The following MUCL1 variants were observed in gnomAD, a reference collection of about 807,000 sequenced individuals.
MUCL1 encodes mucin like 1.
A neutral mutation model predicts 9.2 loss-of-function variants in MUCL1; 11 were observed. That is an observed-to-expected ratio of 1.19 (90% CI 0.75 to 1.97). The LOEUF (loss-of-function observed/expected upper bound fraction) is 1.97, where lower values mean the gene tolerates loss of function less well. Ranked by LOEUF, MUCL1 falls within the 30% of genes most tolerant of loss-of-function variation. The pLI is 0.00. For missense variants in MUCL1, 144 were observed against 110.9 expected (o/e 1.30, Z -1.34); for synonymous variants, 48 against 40.5 (o/e 1.19, Z -0.71).
upstream of MUCL1, among the ~76,000 whole-genome samples, chr12:54,837,769 C>CA (rs1308549503): frequency 1.3e-5 from 2 of 150,968 alleles, no homozygotes; most frequent in Non-Finnish European, 3.0e-5. Context: ...ACTCCGTCTC[C>CA]AAAAAAACAA....
chr12:54,846,191 CA>C (rs1959251593), intron 1 of MUCL1, among the ~76,000 whole-genome samples: 1 of 152,178 alleles, frequency 6.6e-6, no homozygotes, highest in African/African-American at 2.4e-5. Context: ...CTGGTTAACA[CA>C]AGCCGTCTGC....
At chr12:54,849,856 T>C (rs2135944145), upstream of MUCL1, among the ~76,000 whole-genome samples, 1 of 152,308 alleles carries the variant, frequency 6.6e-6, no homozygotes, top group South Asian at 2.1e-4. Flanking sequence ...TATAATATTA[T>C]CAAAATCCAA....
At chr12:54,839,070 T>A (rs11559983), upstream of MUCL1, among the ~76,000 whole-genome samples, 31,405 of 152,110 alleles carry the variant, frequency 0.21, 3,698 homozygotes, top group Middle Eastern at 0.29. Context: ...TAATTATTTT[T>A]AAATTTATTT....
intron 1 of MUCL1, among the ~76,000 whole-genome samples, chr12:54,842,575 T>A (rs1488604205): frequency 6.6e-6 from 1 of 152,144 alleles, no homozygotes. Flanking sequence ...AATACACAAA[T>A]ACGTACATTG....
intron 1 of MUCL1, among the ~76,000 whole-genome samples, chr12:54,848,914 C>A (rs1959295669): frequency 6.6e-6 from 1 of 152,058 alleles, no homozygotes; most frequent in African/African-American, 2.4e-5. Flanking sequence ...GAACATTTAT[C>A]AAATAGAGAC....
At chr12:54,842,283 CAT>C (rs557743828) in intron 1 of MUCL1, among the ~76,000 whole-genome samples, 30 of 150,016 alleles carry the variant, frequency 2.0e-4, no homozygotes, top group South Asian at 4.2e-4. Context: ...TTGTTTGCTG[CAT>C]ATATATATAT....
chr12:54,848,884 A>G (rs914281016), intron 1 of MUCL1, among the ~76,000 whole-genome samples: 16 of 152,188 alleles, frequency 1.1e-4, no homozygotes, highest in Admixed American at 1.3e-4. Context: ...GTATACATAT[A>G]TTGTGAGTCA....
At chr12:54,851,825 A>C (rs1479848246), upstream of MUCL1, among the ~76,000 whole-genome samples, 1 of 152,198 alleles carries the variant, frequency 6.6e-6, no homozygotes, top group Non-Finnish European at 1.5e-5. Flanking sequence ...AGGATACAAA[A>C]ATCAATGTGC....
chr12:54,839,421 G>A (rs1959200207), exon 1 of MUCL1: 2 of 701,910 alleles, frequency 2.8e-6, no homozygotes, highest in Non-Finnish European at 5.2e-6. Context: ...GGTGACCATG[G>A]GTATCAACTG....
chr12:54,845,995 C>T (rs892027530), intron 1 of MUCL1, among the ~76,000 whole-genome samples: 1 of 151,758 alleles, frequency 6.6e-6, no homozygotes, highest in Admixed American at 6.6e-5. Flanking sequence ...CTTTATTCTG[C>T]AAAAAAAACT....
chr12:54,831,132 A>G (rs571831786), intron 1 of MUCL1, among the ~76,000 whole-genome samples: 1 of 152,320 alleles, frequency 6.6e-6, no homozygotes, highest in Admixed American at 6.5e-5. Flanking sequence ...AAATGAAAGC[A>G]CTAAGATCTC....
intron 1 of MUCL1, among the ~76,000 whole-genome samples, chr12:54,845,048 T>C (rs536744733): frequency 2.6e-5 from 4 of 152,326 alleles, no homozygotes; most frequent in Non-Finnish European, 5.9e-5. Flanking sequence ...TGGAGGATCC[T>C]TCAGACATAT....
chr12:54,836,730 T>C (rs1198193892), upstream of MUCL1, among the ~76,000 whole-genome samples: 1 of 152,202 alleles, frequency 6.6e-6, no homozygotes, highest in Non-Finnish European at 1.5e-5. Context: ...ATTGTAAACT[T>C]TCCTCTTAGC....
At chr12:54,831,843 G>C (rs1393591115) in intron 1 of MUCL1, among the ~76,000 whole-genome samples, 1 of 151,976 alleles carries the variant, frequency 6.6e-6, no homozygotes, top group Non-Finnish European at 1.5e-5. Flanking sequence ...TTGCAAGCTT[G>C]CTACAGAATG....
At chr12:54,851,175 T>A (rs1959333122), upstream of MUCL1, among the ~76,000 whole-genome samples, 1 of 152,180 alleles carries the variant, frequency 6.6e-6, no homozygotes, top group African/African-American at 2.4e-5. Context: ...TTACAACCCA[T>A]TTGTCAATTT....
At chr12:54,856,104 A>G (rs1868297037) in intron 2 of MUCL1, among the ~76,000 whole-genome samples, 1 of 118,956 alleles carries the variant, frequency 8.4e-6, no homozygotes. Flanking sequence ...ACATATAGTA[A>G]TTAATGGGGA....
chr12:54,839,710 G>A (rs1391743425), intron 1 of MUCL1, among the ~76,000 whole-genome samples: 1 of 152,166 alleles, frequency 6.6e-6, no homozygotes, highest in Non-Finnish European at 1.5e-5. Context: ...ACTACTCCTT[G>A]TGGAAGCCTG....
chr12:54,858,223 A>G lies in MUCL1; in HGVS notation c.254A>G (p.Asn85Ser), dbSNP rs566791248. The G allele has an allele frequency of 5.1e-4, 829 of 1,613,500 alleles. 12 individuals carry two copies. The South Asian group carries it at 8.8e-3, about 17-fold the overall frequency. Residue 85 changes from asparagine to serine, a missense_variant, in exon 4 of 4, where the codon AAT (asparagine) becomes AGT (serine). Asn to Ser is a conservative substitution (Grantham distance 46). Transcript: ENST00000308796. Reference sequence around the variant, plus strand: ...CCCAAATGGGTTGGGGATCTCCCGAATGGTAGAGTGTGTCCCTGAGATGGA... The same window carrying G: ...CCCAAATGGGTTGGGGATCTCCCGAGTGGTAGAGTGTGTCCCTGAGATGGA... The part of the protein sequence containing the change: ...VLPKWVGDLP[N>S]GRVCP
At chr12:54,855,053 C>T in intron 1 of MUCL1, 63 bp from the exon 2 acceptor site, 1 of 1,423,824 alleles carries the variant, frequency 7.0e-7, no homozygotes, top group Non-Finnish European at 9.9e-7. Flanking sequence ...CATATTCTCT[C>T]TTACCTCCAT....
Sources: allele counts gnomAD v4.1 joint callset (sites outside exome capture counted in the v4.1 genomes callset), GRCh38; gene constraint gnomAD v4.1.1; transcripts MANE v1.5; gene names NCBI Gene and HGNC (gene_info 2026-07-23, HGNC 2026-07-21).